Variants in TSC22D1 observed in about 807,000 individuals in gnomAD.
The protein encoded by TSC22D1 is TSC22 domain family protein 1.
A neutral mutation model predicts 74.2 loss-of-function variants in TSC22D1; 9 were observed. That is an observed-to-expected ratio of 0.12 (90% confidence interval 0.07 to 0.21). The LOEUF (loss-of-function observed/expected upper bound fraction) is 0.21, where lower values mean the gene tolerates loss of function less well. TSC22D1 is among the 10% of genes least tolerant of loss of function. TSC22D1 has a pLI of 1.00. For missense variants in TSC22D1, 1,427 were observed against 1,304.7 expected (o/e 1.09, Z -1.44); for synonymous variants, 586 against 492.5 (o/e 1.19, Z -2.51).
intron 1 of TSC22D1, among the ~76,000 whole-genome samples, chr13:44,477,397 CA>C (rs1228370968): frequency 6.6e-6 from 1 of 152,082 alleles, no homozygotes; most frequent in Non-Finnish European, 1.5e-5. Flanking sequence ...ACAATCACTG[CA>C]AAAATAAGAA....
chr13:44,490,723 C>T (rs868341087), intron 1 of TSC22D1, among the ~76,000 whole-genome samples: 1 of 151,838 alleles, frequency 6.6e-6, no homozygotes, highest in Admixed American at 6.6e-5. Context: ...TATGGAGAAA[C>T]CCCGTCTCTA....
intron 1 of TSC22D1, among the ~76,000 whole-genome samples, chr13:44,554,630 C>CAAAA (rs59922380): frequency 6.1e-4 from 42 of 68,592 alleles, no homozygotes; most frequent in Non-Finnish European, 7.2e-4. Flanking sequence ...ATACCAGGAA[C>CAAAA]AAAAAAAAAA....
chr13:44,517,980 C>CAGAGT (rs1880132899), intron 1 of TSC22D1, among the ~76,000 whole-genome samples: 1 of 145,972 alleles, frequency 6.9e-6, no homozygotes, highest in Admixed American at 6.9e-5. Flanking sequence ...CCTTAGCCTC[C>CAGAGT]AGAGTAGCTG....
intron 1 of TSC22D1, among the ~76,000 whole-genome samples, chr13:44,530,586 C>T (rs1880780298): frequency 6.7e-6 from 1 of 150,304 alleles, no homozygotes; most frequent in African/African-American, 2.5e-5. Flanking sequence ...GAAGACAAGC[C>T]ACAGATTGGG....
rs901416044 is a variant in TSC22D1, at chr13:44,558,219, A to G, written c.2912+14944T>C. ...GTGGTTGAGTGCAAGTTTTGGAATG[A>G]AATCACCTAATGGAATACTGACTAG... On this transcript the variant is annotated intron_variant, in intron 1 of 2. Coordinates refer to ENST00000458659, the MANE Select transcript of TSC22D1 (RefSeq NM_183422.4). Among the ~76,000 whole-genome samples the G allele has an allele frequency of 7.2e-5, 11 of 152,218 alleles. No homozygotes were observed. The East Asian group carries it at 2.1e-3, about 29-fold the overall frequency.
chr13:44,531,042 G>A (rs1880808372), intron 1 of TSC22D1, among the ~76,000 whole-genome samples: 1 of 152,124 alleles, frequency 6.6e-6, no homozygotes, highest in African/African-American at 2.4e-5. Context: ...TGATACTAAT[G>A]GTGAATACGT....
At chr13:44,436,015 A>C in intron 2 of TSC22D1, 29 bp downstream of exon 2, 1 of 1,604,172 alleles carries the variant, frequency 6.2e-7, no homozygotes. Context: ...GCCCACATTT[A>C]GTATAAATGA....
At chr13:44,455,230 C>T (rs1876483521) in intron 1 of TSC22D1, among the ~76,000 whole-genome samples, 1 of 152,054 alleles carries the variant, frequency 6.6e-6, no homozygotes, top group Non-Finnish European at 1.5e-5. Context: ...TGAGTAAAGA[C>T]CTAAGAGAGA....
chr13:44,480,065 A>C (rs1046689756), intron 1 of TSC22D1, among the ~76,000 whole-genome samples: 3 of 151,640 alleles, frequency 2.0e-5, no homozygotes, highest in African/African-American at 7.3e-5. Flanking sequence ...TAAATTTGAA[A>C]AATAGTGTTA....
chr13:44,490,155 A>G (rs938491650), intron 1 of TSC22D1, among the ~76,000 whole-genome samples: 6 of 152,228 alleles, frequency 3.9e-5, no homozygotes, highest in Admixed American at 2.0e-4. Flanking sequence ...TATGAAAATG[A>G]ACAAACTTCT....
rs1309734591 is a variant in TSC22D1, at chr13:44,574,183, T to G, written c.1892A>C (p.Gln631Pro). 1 of 1,614,156 alleles carries G rather than the reference T, an allele frequency of 6.2e-7. No individual in the cohort carries two copies. The highest frequency in any genetic ancestry group is 1.1e-5 in the South Asian group (1 of 91,080). ...APPPQQLQYG[Q>P]QQPMVSTQMA... ...CTGTGTAGAAACCATTGGTTGCTGT[T>G]GTCCATACTGTAACTGTTGGGGTGG... is the stretch of plus-strand genomic sequence containing the variant. Residue 631 changes from glutamine (Q) to proline (P), a missense_variant, in exon 1 of 3, where the codon CAA becomes CCA. Around this residue, in one of 3 missense-constraint regions of TSC22D1, gnomAD observed 1,343 missense variants for 1,191.5 expected, o/e 1.13. Transcript: ENST00000458659.
intron 1 of TSC22D1, among the ~76,000 whole-genome samples, chr13:44,513,260 T>C (rs1488465694): frequency 6.6e-6 from 1 of 152,232 alleles, no homozygotes; most frequent in Non-Finnish European, 1.5e-5. Flanking sequence ...TCTGATACCA[T>C]TTTGCTTTAC....
chr13:44,558,900 C>T (rs946503547), intron 1 of TSC22D1, among the ~76,000 whole-genome samples: 6 of 152,110 alleles, frequency 3.9e-5, no homozygotes, highest in African/African-American at 1.4e-4. Flanking sequence ...ATTTCCATCT[C>T]CTCTTTCTGT....
intron 1 of TSC22D1, among the ~76,000 whole-genome samples, chr13:44,475,175 C>T (rs1877837116): frequency 6.6e-6 from 1 of 151,716 alleles, no homozygotes; most frequent in Non-Finnish European, 1.5e-5. Context: ...AGTAAATATA[C>T]AAGTTGGATC....
At chr13:44,541,476 A>G (rs530278363) in intron 1 of TSC22D1, among the ~76,000 whole-genome samples, 2 of 152,284 alleles carry the variant, frequency 1.3e-5, no homozygotes, top group South Asian at 4.1e-4. Flanking sequence ...GGAAAGAAGA[A>G]GGTGAAACTG....
At position 44,576,280 on chromosome 13, in the gene TSC22D1, G is replaced by A. The variant is rs1884240738; in HGVS notation, c.-206C>T. On this transcript the variant is annotated 5_prime_UTR_variant, in exon 1 of 3. Transcript: ENST00000458659. The stretch of plus-strand genomic sequence containing the variant: ...AGGAGGATGAACGAGGGTGAACAGG[G>A]CGGCCGGGGACCCGAAGGGGGGATC... 1.4e-6 allele frequency: 1 copy of A among 691,224 alleles called. No homozygotes were observed. The allele number at this position is 691,224 out of a possible 1,614,324, so 42.8% of individuals were successfully genotyped here.
intron 1 of TSC22D1, among the ~76,000 whole-genome samples, chr13:44,554,814 T>A (rs780511736): frequency 6.6e-6 from 1 of 152,100 alleles, no homozygotes; most frequent in Non-Finnish European, 1.5e-5. Context: ...CAAATTATTA[T>A]CACCAAATCC....
At chr13:44,539,995 G>A in intron 1 of TSC22D1, 1 of 1,136,950 alleles carries the variant, frequency 8.8e-7, no homozygotes, top group Non-Finnish European at 1.2e-6. Flanking sequence ...GGTCATTTGA[G>A]TTTGTAATGG....
At position 44,434,498 on chromosome 13, in the gene TSC22D1, A is replaced by T. The variant is rs905785064; in HGVS notation, c.*128T>A. 4.2e-6 allele frequency: 6 copies of T among 1,421,850 alleles called. No individual in the cohort carries two copies. The highest frequency in any genetic ancestry group is 5.5e-6 in the Non-Finnish European group (6 of 1,093,010). The allele number at this position is 1,421,850 out of a possible 1,614,324, so 88.1% of individuals were successfully genotyped here. A position where few individuals can be genotyped will look rare whatever the true frequency, so the allele number is the denominator to read the frequency against. On this transcript the variant is annotated 3_prime_UTR_variant, in exon 3 of 3. Coordinates refer to ENST00000458659, the MANE Select transcript of TSC22D1 (RefSeq NM_183422.4). ...AATACTGGAAAAGAGATAATGGCAT[A>T]TGTCAGTCTCACGTCTCTTTCGCAG...
Sources: allele counts gnomAD v4.1 joint callset (sites outside exome capture counted in the v4.1 genomes callset), GRCh38; gene constraint gnomAD v4.1.1; regional missense constraint gnomAD v4.1.1; transcripts MANE v1.5; gene names NCBI Gene and HGNC (gene_info 2026-07-23, HGNC 2026-07-21).